Variants in RGS12 observed in about 807,000 individuals in gnomAD.
RGS12 encodes regulator of G-protein signaling 12.
RGS12 carries 66 observed loss-of-function variants against 120.1 expected under a neutral mutation model. The ratio of observed to expected loss-of-function variants is 0.55; its 90% CI spans 0.45 to 0.67. RGS12 has a LOEUF of 0.67. RGS12 is among the 30% of genes least tolerant of loss of function. RGS12 has a pLI of 0.00. For synonymous variants in RGS12, 827 were observed against 804.7 expected (o/e 1.03, Z -0.47); for missense variants, 1,859 against 1,957.7 (o/e 0.95, Z 0.95).
chr4:3,331,705 G>T (rs551665296), intron 2 of RGS12, among the ~76,000 whole-genome samples: 1 of 152,196 alleles, frequency 6.6e-6, no homozygotes, highest in African/African-American at 2.4e-5. Context: ...TGGCCATCAC[G>T]CTGTGTAAAC....
intron 3 of RGS12, among the ~76,000 whole-genome samples, chr4:3,348,562 CAGTT>C (rs748797964): frequency 4.6e-5 from 7 of 152,096 alleles, no homozygotes; most frequent in East Asian, 3.8e-4. Flanking sequence ...GTCAATGTGA[CAGTT>C]AGTGGCTTGA....
At chr4:3,399,304 C>T (rs1388602911) in intron 4 of RGS12, among the ~76,000 whole-genome samples, 1 of 152,024 alleles carries the variant, frequency 6.6e-6, no homozygotes, top group Admixed American at 6.6e-5. Flanking sequence ...AAACAGTATA[C>T]AACTAAAAGT....
chr4:3,361,004 C>T (rs1715502415), intron 3 of RGS12, among the ~76,000 whole-genome samples: 1 of 152,208 alleles, frequency 6.6e-6, no homozygotes, highest in African/African-American at 2.4e-5. Flanking sequence ...TTCATAAGAT[C>T]CCTACACGGA....
rs1042630519 is a variant in RGS12, at chr4:3,363,715, C to A, written c.1998+20662C>A. On this transcript the variant is annotated intron_variant, in intron 3 of 17. Coordinates refer to ENST00000336727, the MANE Select transcript of RGS12 (RefSeq NM_001394154.1). The stretch of plus-strand genomic sequence containing the variant: ...CCCTCCTGGGTTGGGGCAGGCTTGG[C>A]GGGAACAGCCCAAAGACCAACAGTG... Among the ~76,000 whole-genome samples the A allele has an allele frequency of 3.3e-5, 5 of 152,260 alleles. No homozygotes were observed. In the South Asian group the frequency reaches 1.0e-3, roughly 32 times the overall value.
intron 16 of RGS12, 52 bp from the exon 17 acceptor site, chr4:3,430,355 C>A: frequency 6.7e-7 from 1 of 1,491,292 alleles, no homozygotes; most frequent in South Asian, 1.2e-5. Context: ...CGGTGACAGT[C>A]ATTAATGTGA....
rs371883027 is a variant in RGS12 at position 3,422,518 on chromosome 4, G to A, written c.2981G>A (p.Arg994Gln). 1.1e-5 allele frequency: 17 copies of A among 1,612,768 alleles called. No individual in the cohort carries two copies. The highest frequency in any genetic ancestry group is 3.3e-5 in the Admixed American group (2 of 60,008). Residue 994 changes from arginine (R) to glutamine (Q), a missense_variant, in exon 11 of 18, where the codon CGG (arginine) becomes CAG (glutamine). By Grantham distance (43) the Arg-to-Gln change is conservative (BLOSUM62 1). This residue lies in a region of RGS12 where 375 missense variants were observed against 475.0 expected (regional missense o/e 0.79). Transcript: ENST00000336727. ...IKDILSGLCE[R>Q]HGINGAAADL... ...GACATCCTGTCCGGACTCTGTGAGCGGCATGGCATCAACGGGGCGGCCGCG... is the reference window on the plus strand; with the variant it reads ...GACATCCTGTCCGGACTCTGTGAGCAGCATGGCATCAACGGGGCGGCCGCG...
chr4:3,395,480 T>A (rs1719962804), intron 4 of RGS12, among the ~76,000 whole-genome samples: 1 of 152,196 alleles, frequency 6.6e-6, no homozygotes, highest in Non-Finnish European at 1.5e-5. Flanking sequence ...TCTGCTCTGA[T>A]AGGCTGGGGG....
At chr4:3,303,935 A>G (rs1723826305) in intron 1 of RGS12, among the ~76,000 whole-genome samples, 1 of 151,998 alleles carries the variant, frequency 6.6e-6, no homozygotes, top group East Asian at 1.9e-4. Context: ...CTAATCATTC[A>G]TGTTTGCCAT....
At chr4:3,310,741 G>C (rs1455395259) in intron 1 of RGS12, among the ~76,000 whole-genome samples, 1 of 152,094 alleles carries the variant, frequency 6.6e-6, no homozygotes, top group East Asian at 1.9e-4. Flanking sequence ...GGTGGTGGTG[G>C]GGGGAGGCTG....
chr4:3,398,760 CAA>C (rs1465503370), intron 4 of RGS12, among the ~76,000 whole-genome samples: 1 of 151,372 alleles, frequency 6.6e-6, no homozygotes, highest in Non-Finnish European at 1.5e-5. Flanking sequence ...AGTAAGATTA[CAA>C]AGTATGTGAA....
intron 5 of RGS12, 176 bp from the exon 6 acceptor site, chr4:3,414,576 C>T (rs1260898439): frequency 1.6e-6 from 1 of 613,590 alleles, no homozygotes; most frequent in Non-Finnish European, 2.9e-6. Flanking sequence ...TTTGGGGAAA[C>T]AGCTGGAAGC....
At chr4:3,303,598 G>C (rs559249642) in intron 1 of RGS12, among the ~76,000 whole-genome samples, 2 of 152,208 alleles carry the variant, frequency 1.3e-5, no homozygotes, top group Non-Finnish European at 2.9e-5. Context: ...CCCTGGTAGT[G>C]GGGGGAACAA....
intron 2 of RGS12, among the ~76,000 whole-genome samples, chr4:3,336,902 A>G (rs914775326): frequency 4.6e-5 from 7 of 152,210 alleles, no homozygotes; most frequent in Non-Finnish European, 1.0e-4. Context: ...AAAATGGGCA[A>G]AAGTCCAGTG....
chr4:3,424,863 G>A lies in RGS12; in HGVS notation c.3235-601G>A, dbSNP rs562420088. On this transcript the variant is annotated intron_variant, in intron 13 of 17. Transcript: ENST00000336727. ...GCAGGGCCCACCACGCCTGCCCAGC[G>A]GACCAGCCCCTTCAGGAGCTTAGAG... is the stretch of plus-strand genomic sequence containing the variant. Among the ~76,000 whole-genome samples the A allele has an allele frequency of 8.5e-4, 129 of 152,362 alleles. 1 individual carries two copies. Among genetic ancestry groups the A allele is most frequent in the African/African-American group, 2.8e-3 (117 of 41,586 alleles).
chr4:3,326,959 A>G (rs542005867), intron 2 of RGS12, among the ~76,000 whole-genome samples: 108 of 152,334 alleles, frequency 7.1e-4, no homozygotes, highest in African/African-American at 2.4e-3. Context: ...TAGAAAACGC[A>G]ATCCTAAAAT....
chr4:3,338,072 T>C (rs1465848459), intron 2 of RGS12, among the ~76,000 whole-genome samples: 1 of 152,182 alleles, frequency 6.6e-6, no homozygotes, highest in East Asian at 1.9e-4. Flanking sequence ...ATTCACTGTT[T>C]TGTTTTAGAC....
intron 1 of RGS12, among the ~76,000 whole-genome samples, chr4:3,300,876 A>G (rs1396420315): frequency 1.3e-5 from 2 of 152,188 alleles, no homozygotes; most frequent in African/African-American, 2.4e-5. Flanking sequence ...ATCCTTTTCC[A>G]AATAGGGTCA....
At chr4:3,425,630 CCGGTGCAGGGGAGGGGGTGAGT>C in intron 14 of RGS12, 70 bp downstream of exon 14, 7 of 874,728 alleles carry the variant, frequency 8.0e-6, no homozygotes, top group East Asian at 1.1e-4. Context: ...GGCTATGGAG[CCGGTGCAGGGGAGGGGGTGAGT>C]GGGGCCAGTG....
chr4:3,314,195 G>A (rs1578705092), intron 1 of RGS12: 1 of 151,620 alleles, frequency 6.6e-6, no homozygotes, highest in Non-Finnish European at 1.5e-5. Flanking sequence ...ATTTTACTAA[G>A]TACGCATGTT....
Sources: gnomAD v4.1 joint callset for allele counts (sites outside exome capture counted in the v4.1 genomes callset) on GRCh38, gnomAD v4.1.1 for gene constraint, gnomAD v4.1.1 regional missense constraint, MANE v1.5 for transcripts, NCBI Gene and HGNC (gene_info 2026-07-23, HGNC 2026-07-21) for gene names.